Variants in DPP6 observed in about 807,000 individuals in gnomAD.
The protein encoded by DPP6 is dipeptidyl peptidase like 6.
A neutral mutation model predicts 122.6 loss-of-function variants in DPP6; 69 were observed. The ratio of observed to expected loss-of-function variants is 0.56; its 90% CI spans 0.46 to 0.69. The LOEUF is 0.69. Ranked by LOEUF, DPP6 falls within the 30% of genes least tolerant of loss-of-function variation. The probability of loss-of-function intolerance (pLI) is 0.00; values close to 1 mark genes in which losing one functional copy is unlikely to be tolerated. For synonymous variants in DPP6, 418 were observed against 433.1 expected, an observed-to-expected ratio of 0.97 and a Z score of 0.43; for missense variants, 928 against 1,116.9, an observed-to-expected ratio of 0.83 and a Z score of 2.41.
rs150751990 is a variant in DPP6, at chr7:154,206,182, C to G, written c.243+153119C>G. Among the ~76,000 whole-genome samples, 40 of 152,376 alleles carry G rather than the reference C, an allele frequency of 2.6e-4. 1 individual carries two copies. In the South Asian group the frequency reaches 3.5e-3, roughly 13 times the overall value. On this transcript the variant is annotated intron_variant, in intron 1 of 25. Transcript: ENST00000377770. ...GCTCACACAGCTGGCCCTTCCCTCT[C>G]TTCTCTTCTTCTCTTCCTTCCCCTC...
chr7:154,428,874 A>AT (rs1291070926), intron 1 of DPP6, among the ~76,000 whole-genome samples: 1 of 152,178 alleles, frequency 6.6e-6, no homozygotes, highest in Non-Finnish European at 1.5e-5. Flanking sequence ...GGTATGAGGG[A>AT]TAAAAAGACA....
In DPP6 at chr7:153,887,705, A is replaced by T; in HGVS notation, c.22A>T (p.Lys8Ter). The T allele has an allele frequency of 1.2e-6, 2 of 1,613,908 alleles. No individual in the cohort carries two copies. The highest frequency in any genetic ancestry group is 1.7e-6 in the Non-Finnish European group (2 of 1,179,868). ...CAAAATGAAGGAAAAGGCCATGATCAAGACCGCTAAGATGCAGGGGAACGT... is the reference window on the plus strand; with the variant it reads ...CAAAATGAAGGAAAAGGCCATGATCTAGACCGCTAAGATGCAGGGGAACGT... Residue 8 changes from lysine to a stop codon, truncating the protein, a stop_gained, in exon 1 of 26, where the codon AAG becomes TAG. Coordinates refer to the DPP6 transcript ENST00000404039. LOFTEE classifies it high-confidence loss of function.
At chr7:154,208,374 A>G (rs1245807402) in intron 1 of DPP6, among the ~76,000 whole-genome samples, 2 of 152,214 alleles carry the variant, frequency 1.3e-5, no homozygotes, top group Non-Finnish European at 2.9e-5. Context: ...TACACCACAT[A>G]CATTTCCACC....
intron 7 of DPP6, among the ~76,000 whole-genome samples, chr7:154,685,086 C>T (rs1313368194): frequency 6.6e-6 from 1 of 152,238 alleles, no homozygotes; most frequent in Non-Finnish European, 1.5e-5. Flanking sequence ...ACAGAGTCAG[C>T]CGTCTCCCAC....
chr7:154,572,708 C>G (rs1248081102), intron 5 of DPP6, among the ~76,000 whole-genome samples: 2 of 145,012 alleles, frequency 1.4e-5, no homozygotes, highest in African/African-American at 5.1e-5. Flanking sequence ...GAGACAGAGT[C>G]TCACTCTGTC....
At chr7:154,669,575 A>G (rs1838422784) in intron 7 of DPP6, 134 bp downstream of exon 7, 3 of 1,358,032 alleles carry the variant, frequency 2.2e-6, no homozygotes, top group South Asian at 3.1e-5. Flanking sequence ...TGTAAATTAA[A>G]ATCTGGAGAG....
Position 154,004,391 on chromosome 7 carries a change from G to A in DPP6, c.51+116657G>A, listed in dbSNP as rs549175374. On this transcript the variant is annotated intron_variant, in intron 1 of 25. Transcript: ENST00000404039. ...TGTGCCAAGAACCTCGTAAACTCCA[G>A]ATTAATTGAGATAGACATTTTGGTG... Among the ~76,000 whole-genome samples, 570 of 152,152 alleles carry A rather than the reference G, an allele frequency of 3.7e-3. 5 individuals carry two copies. Among genetic ancestry groups the A allele is most frequent in the Admixed American group, 0.016 (242 of 15,274 alleles).
At chr7:153,819,630 A>C in the DPP6 span, among the ~76,000 whole-genome samples, 4 of 152,236 alleles carry the variant, frequency 2.6e-5, no homozygotes, top group African/African-American at 9.6e-5. Context: ...AAGTCACAGA[A>C]GTAAATGTAG....
At chr7:154,298,199 C>G (rs949693006) in intron 1 of DPP6, among the ~76,000 whole-genome samples, 17 of 152,064 alleles carry the variant, frequency 1.1e-4, no homozygotes, top group African/African-American at 4.1e-4. Context: ...AGCCAGCTGC[C>G]CTGCCCTGCA....
chr7:153,757,235 G>A, the DPP6 span, among the ~76,000 whole-genome samples: 2 of 152,166 alleles, frequency 1.3e-5, no homozygotes, highest in Non-Finnish European at 2.9e-5. Context: ...TTCTTTCAGT[G>A]TCTGTATCTT....
intron 1 of DPP6, among the ~76,000 whole-genome samples, chr7:154,426,049 T>C (rs931836953): frequency 6.6e-6 from 1 of 152,160 alleles, no homozygotes; most frequent in African/African-American, 2.4e-5. Flanking sequence ...GAGGCTCTTT[T>C]AGAATTGGAT....
intron 7 of DPP6, among the ~76,000 whole-genome samples, chr7:154,706,350 T>A (rs775402145): frequency 3.9e-5 from 6 of 152,170 alleles, no homozygotes; most frequent in Non-Finnish European, 8.8e-5. Context: ...CACCCGTAGA[T>A]CTCAGCTCAG....
At chr7:154,085,007 A>AAAAAAAAAAAAAAC (rs1563182900) in intron 1 of DPP6, among the ~76,000 whole-genome samples, 1 of 149,026 alleles carries the variant, frequency 6.7e-6, no homozygotes, top group Non-Finnish European at 1.5e-5. Context: ...AAAAAAAAAA[A>AAAAAAAAAAAAAAC]AAAACAGGTG....
At position 154,483,650 on chromosome 7, in the gene DPP6, A is replaced by T. The variant is rs1159614962; in HGVS notation, c.457+8613A>T. Reference sequence around the variant, plus strand: ...TCTTTAAGTTTCACTTTTCTTTAATATAGGCATTTATGAGAAAAAGCCCAG... The same window carrying T: ...TCTTTAAGTTTCACTTTTCTTTAATTTAGGCATTTATGAGAAAAAGCCCAG... On this transcript the variant is annotated intron_variant, in intron 3 of 25. Transcript: ENST00000377770. This position sits in a 1 kb window ranked among gnomAD's most constrained non-coding sequence, Gnocchi z 8.1. Among the ~76,000 whole-genome samples, 1 of 152,226 alleles carries T rather than the reference A, an allele frequency of 6.6e-6. No individual in the cohort carries two copies. The highest frequency in any genetic ancestry group is 1.5e-5 in the Non-Finnish European group (1 of 68,036).
chr7:153,887,539 A>G (rs944551151), exon 1 of DPP6: 2 of 889,006 alleles, frequency 2.2e-6, no homozygotes, highest in Admixed American at 2.1e-5. Flanking sequence ...AGGTGAGAAA[A>G]CTGAAGACCT....
chr7:153,835,158 C>T, the DPP6 span, among the ~76,000 whole-genome samples: 1 of 152,170 alleles, frequency 6.6e-6, no homozygotes, highest in South Asian at 2.1e-4. Flanking sequence ...CATATTGTTT[C>T]TTGTCAGTTT....
At chr7:154,635,081 C>T (rs778907430) in intron 5 of DPP6, among the ~76,000 whole-genome samples, 1 of 152,086 alleles carries the variant, frequency 6.6e-6, no homozygotes, top group African/African-American at 2.4e-5. Flanking sequence ...AGGCAATTTC[C>T]AAGGGATTGT....
chr7:154,572,510 C>CTTTTTTTTTTTTTTTTTTTTTTTT (rs77816407), intron 5 of DPP6, among the ~76,000 whole-genome samples: 1 of 86,140 alleles, frequency 1.2e-5, no homozygotes, highest in Non-Finnish European at 2.2e-5. Context: ...TTTTTCTTTT[C>CTTTTTTTTTTTTTTTTTTTTTTTT]TTTTTTTTTT....
chr7:154,888,277 C>T lies in DPP6; in HGVS notation c.2304+543C>T, dbSNP rs182264721. Among the ~76,000 whole-genome samples, 115 of 152,178 alleles carry T rather than the reference C, an allele frequency of 7.6e-4. 1 individual carries two copies. The highest frequency in any genetic ancestry group is 9.0e-4 in the Non-Finnish European group (61 of 68,000). On this transcript the variant is annotated intron_variant, in intron 23 of 25. Transcript: ENST00000377770. The stretch of plus-strand genomic sequence containing the variant: ...CTAATTTTTGTATTTTCAGTAGAGA[C>T]GGGGTTTCACCGTGTTGGTCAGGCT...
Sources: gnomAD v4.1 joint callset for allele counts (sites outside exome capture counted in the v4.1 genomes callset) on GRCh38, gnomAD v4.1.1 for gene constraint, Gnocchi (gnomAD v3.1) non-coding constraint, MANE v1.5 for transcripts, NCBI Gene and HGNC (gene_info 2026-07-23, HGNC 2026-07-21) for gene names.